CYP2C18: variants seen among roughly 807,000 people sequenced by gnomAD.
The protein encoded by CYP2C18 is cytochrome P450 family 2 subfamily C member 18.
CYP2C18 carries 38 observed loss-of-function variants against 41.3 expected under a neutral mutation model. The observed-to-expected ratio is 0.92, with a 90% CI of 0.71 to 1.21. The LOEUF (loss-of-function observed/expected upper bound fraction) is 1.21, where lower values mean the gene tolerates loss of function less well. Ranked by LOEUF, CYP2C18 falls within the 50% of genes most tolerant of loss-of-function variation. The pLI is 0.00. For missense variants in CYP2C18, 635 were observed against 591.4 expected, an observed-to-expected ratio of 1.07 and a Z score of -0.77; for synonymous variants, 236 against 210.0, an observed-to-expected ratio of 1.12 and a Z score of -1.07.
At chr10:94,689,777 G>T (rs1846963129) in intron 3 of CYP2C18, among the ~76,000 whole-genome samples, 1 of 151,942 alleles carries the variant, frequency 6.6e-6, no homozygotes, top group Non-Finnish European at 1.5e-5. Context: ...TTTTATTTGG[G>T]GTTGGTTGAA....
At position 94,718,788 on chromosome 10, in the gene CYP2C18, C is replaced by G. The variant is rs543772988; in HGVS notation, c.820-1608C>G. 3.3e-5 allele frequency among the ~76,000 whole-genome samples: 5 copies of G among 152,226 alleles called. No homozygotes were observed. The East Asian group carries it at 9.7e-4, about 29-fold the overall frequency. ...CTTTTTCCAGTGGTCTAGAGAGAGA[C>G]TCCTGTATACTTAGTCCTCTCTGCT... On this transcript the variant is annotated intron_variant, in intron 5 of 8. Transcript: ENST00000285979.
chr10:94,715,390 G>C (rs984417559), intron 5 of CYP2C18, among the ~76,000 whole-genome samples: 1 of 152,126 alleles, frequency 6.6e-6, no homozygotes, highest in Non-Finnish European at 1.5e-5. Context: ...TTAGCATGAA[G>C]GTTTTTGAAT....
rs1051364971 is a variant in CYP2C18 at position 94,712,979 on chromosome 10, T to C, written c.819+6019T>C. Among the ~76,000 whole-genome samples the C allele has an allele frequency of 2.6e-5, 4 of 152,192 alleles. No homozygotes were observed. In the East Asian group the frequency reaches 5.8e-4, roughly 22 times the overall value. On this transcript the variant is annotated intron_variant, in intron 5 of 8. Transcript: ENST00000285979. ...TTTATGTATCTCTTAATCATTTGTA[T>C]GTCTTCTTTTTAGAAATATTCATTC...
At chr10:94,735,132 C>T in intron 8 of CYP2C18, 131 bp from the exon 9 acceptor site, 1 of 898,710 alleles carries the variant, frequency 1.1e-6, no homozygotes, top group Non-Finnish European at 1.7e-6. Context: ...TGTATCCAGC[C>T]ATCCTTCCAG....
intron 7 of CYP2C18, among the ~76,000 whole-genome samples, chr10:94,730,975 G>C (rs996457284): frequency 6.6e-6 from 1 of 152,156 alleles, no homozygotes; most frequent in African/African-American, 2.4e-5. Context: ...CCAAGGAAGT[G>C]AAAGATCTCT....
chr10:94,723,583 T>G (rs1340935644), intron 6 of CYP2C18, among the ~76,000 whole-genome samples: 2 of 152,144 alleles, frequency 1.3e-5, no homozygotes, highest in African/African-American at 4.8e-5. Context: ...GGTCAATGTT[T>G]ATGAAATAAT....
chr10:94,720,458 GT>G lies in CYP2C18; in HGVS notation c.885del (p.Phe295LeufsTer12), dbSNP rs757989704. ...GCTTGATAGCCACTGTAACTGATAT[GT>G]TTGGGGCTGGAACAGAGACAACGAG... Reference protein sequence around the residue: ...ESLIATVTDMFGAGTETTSTT... With the variant: ...ESLIATVTDMXGAGTETTSTT... On this transcript the variant is annotated frameshift_variant, in exon 6 of 9. Coordinates refer to ENST00000285979, the MANE Select transcript of CYP2C18 (RefSeq NM_000772.3). LOFTEE classifies it high-confidence loss of function. The G allele has an allele frequency of 1.1e-5, 17 of 1,613,126 alleles. No homozygotes were observed. Among genetic ancestry groups the G allele is most frequent in the African/African-American group, 1.3e-5 (1 of 74,882 alleles).
chr10:94,733,506 A>C (rs1311354225), intron 8 of CYP2C18, 68 bp downstream of exon 8: 2 of 1,593,102 alleles, frequency 1.3e-6, no homozygotes, highest in Non-Finnish European at 1.7e-6. Flanking sequence ...GTTGACTCTT[A>C]CATGATGCCA....
intron 3 of CYP2C18, among the ~76,000 whole-genome samples, chr10:94,692,122 T>G (rs1387051968): frequency 6.6e-6 from 1 of 152,144 alleles, no homozygotes; most frequent in Non-Finnish European, 1.5e-5. Flanking sequence ...GGGCAAGGAC[T>G]TCATGTCTAA....
chr10:94,723,786 TAAAAA>T (rs1413132762), intron 6 of CYP2C18, among the ~76,000 whole-genome samples: 2 of 151,976 alleles, frequency 1.3e-5, no homozygotes, highest in Admixed American at 6.6e-5. Flanking sequence ...AAAGATAAAT[TAAAAA>T]ATAAAAAGAG....
chr10:94,706,730 G>A, intron 4 of CYP2C18, 54 bp from the exon 5 acceptor site: 1 of 983,412 alleles, frequency 1.0e-6, no homozygotes, highest in African/African-American at 1.7e-5. Context: ...TTGACTTATG[G>A]CATATGTCTT....
chr10:94,710,718 CTG>C (rs1023788653), intron 5 of CYP2C18, among the ~76,000 whole-genome samples: 8 of 152,136 alleles, frequency 5.3e-5, no homozygotes, highest in Admixed American at 3.9e-4. Flanking sequence ...GCTTAGAAAA[CTG>C]TGTTAAGTTG....
In CYP2C18 at chr10:94,724,529, C is replaced by T. The variant is rs775131561; in HGVS notation, c.1145C>T (p.Pro382Leu). The change falls in exon 7 of 9, where the codon CCC (proline) becomes CTC (leucine). Residue 382 changes from proline to leucine, a missense_variant. Physicochemically the swap from Pro to Leu is moderately conservative, Grantham distance 98. Transcript: ENST00000285979. ...CDVKFKNYLI[P>L]KGTTIITSLT... ...GTTAAATTCAAAAACTACCTCATCCCCAAGGTAAGCTTGTTTCTCCTACAC... is the reference window on the plus strand; with the variant it reads ...GTTAAATTCAAAAACTACCTCATCCTCAAGGTAAGCTTGTTTCTCCTACAC... 3 of 1,613,040 alleles carry T rather than the reference C, an allele frequency of 1.9e-6. No individual in the cohort carries two copies. In the Admixed American group the frequency reaches 5.0e-5, roughly 27 times the overall value.
chr10:94,716,176 A>G (rs1009913771), intron 5 of CYP2C18, among the ~76,000 whole-genome samples: 4 of 151,756 alleles, frequency 2.6e-5, no homozygotes, highest in African/African-American at 9.7e-5. Context: ...TTGTGTCTCT[A>G]TCTCCTTCAG....
chr10:94,714,304 G>A (rs1847500459), intron 5 of CYP2C18, among the ~76,000 whole-genome samples: 2 of 152,128 alleles, frequency 1.3e-5, no homozygotes, highest in South Asian at 2.1e-4. Context: ...GGTTTTTATG[G>A]TTTTAGATCT....
intron 4 of CYP2C18, among the ~76,000 whole-genome samples, chr10:94,704,357 T>A (rs1438263708): frequency 6.6e-6 from 1 of 151,798 alleles, no homozygotes; most frequent in East Asian, 1.9e-4. Flanking sequence ...GGCTATAGCT[T>A]CCTTTAGTGA....
intron 5 of CYP2C18, among the ~76,000 whole-genome samples, chr10:94,714,551 AC>A (rs1442706860): frequency 6.6e-6 from 1 of 152,204 alleles, no homozygotes; most frequent in African/African-American, 2.4e-5. Context: ...CTGTGTCAGT[AC>A]CAGTACCATG....
In CYP2C18 at chr10:94,733,384, C is replaced by T. The variant is rs1299094053; in HGVS notation, c.1237C>T (p.Leu413=). The change falls in exon 8 of 9, where the codon CTG becomes TTG. Residue 413 remains leucine, a synonymous_variant. Coordinates refer to ENST00000285979, the MANE Select transcript of CYP2C18 (RefSeq NM_000772.3). ...NPEMFDPGHF[L]DKSGNFKKSD... ...AGAGATGTTTGACCCTGGCCACTTTCTGGATAAGAGTGGCAACTTTAAGAA... is the reference window on the plus strand; with the variant it reads ...AGAGATGTTTGACCCTGGCCACTTTTTGGATAAGAGTGGCAACTTTAAGAA... The T allele has an allele frequency of 6.2e-7, 1 of 1,613,396 alleles. No homozygotes were observed. Among genetic ancestry groups the T allele is most frequent in the South Asian group, 1.1e-5 (1 of 91,050 alleles).
intron 4 of CYP2C18, among the ~76,000 whole-genome samples, chr10:94,700,519 C>T (rs539927570): frequency 2.6e-4 from 39 of 152,294 alleles, no homozygotes; most frequent in African/African-American, 6.0e-4. Flanking sequence ...ACCATAAAAA[C>T]CGTAGAAGAA....
Sources: gnomAD v4.1 joint callset for allele counts (sites outside exome capture counted in the v4.1 genomes callset) on GRCh38, gnomAD v4.1.1 for gene constraint, MANE v1.5 for transcripts, NCBI Gene and HGNC (gene_info 2026-07-23, HGNC 2026-07-21) for gene names.